DCDC1: variants seen among roughly 807,000 people sequenced by gnomAD.
DCDC1 encodes doublecortin domain containing 1.
DCDC1 carries 200 observed loss-of-function variants against 178.3 expected under a neutral mutation model. The ratio of observed to expected loss-of-function variants is 1.12; its 90% CI spans 1.00 to 1.26. DCDC1 has a LOEUF of 1.26. DCDC1 is among the 50% of genes most tolerant of loss of function. The probability of loss-of-function intolerance (pLI) is 0.00; values close to 1 mark genes in which losing one functional copy is unlikely to be tolerated. For missense variants in DCDC1, 1,983 were observed against 1,749.2 expected (o/e 1.13, Z -2.38); for synonymous variants, 690 against 604.8 (o/e 1.14, Z -2.07).
intron 38 of DCDC1, among the ~76,000 whole-genome samples, chr11:30,867,647 T>C (rs893887748): frequency 1.3e-5 from 2 of 152,138 alleles, no homozygotes; most frequent in Non-Finnish European, 2.9e-5. Context: ...AGACCTTGGC[T>C]ACCACAAAGT....
At chr11:31,260,341 A>C (rs1944698887) in intron 8 of DCDC1, among the ~76,000 whole-genome samples, 1 of 152,232 alleles carries the variant, frequency 6.6e-6, no homozygotes, top group Non-Finnish European at 1.5e-5. Context: ...ATGTCTCCAC[A>C]AAAGTTGATA....
intron 7 of DCDC1, among the ~76,000 whole-genome samples, chr11:31,288,033 T>G (rs1410089984): frequency 6.6e-6 from 1 of 151,818 alleles, no homozygotes; most frequent in African/African-American, 2.4e-5. Context: ...GATATAATTA[T>G]TAACTACTGG....
intron 20 of DCDC1, among the ~76,000 whole-genome samples, chr11:31,008,474 G>A (rs910978154): frequency 1.4e-4 from 22 of 152,176 alleles, no homozygotes; most frequent in African/African-American, 5.3e-4. Context: ...GAGCTCATCT[G>A]AAGCACCTGT....
chr11:31,174,644 G>T (rs1967748906), intron 9 of DCDC1, among the ~76,000 whole-genome samples: 1 of 152,152 alleles, frequency 6.6e-6, no homozygotes, highest in Non-Finnish European at 1.5e-5. Context: ...GCTTTTCCAG[G>T]CTTGCCCATA....
chr11:30,962,233 A>T (rs1298632377), intron 20 of DCDC1, among the ~76,000 whole-genome samples: 1 of 152,058 alleles, frequency 6.6e-6, no homozygotes, highest in African/African-American at 2.4e-5. Flanking sequence ...ATTAAACATT[A>T]TTCTACTTTA....
intron 9 of DCDC1, among the ~76,000 whole-genome samples, chr11:31,188,186 G>T (rs158148): frequency 0.6 from 90,420 of 151,764 alleles, 27,383 homozygotes; most frequent in East Asian, 0.93. Flanking sequence ...ATTTTAAAAC[G>T]AAGCAGAAAT....
At chr11:30,962,033 A>G (rs1186953406) in intron 20 of DCDC1, among the ~76,000 whole-genome samples, 1 of 152,112 alleles carries the variant, frequency 6.6e-6, no homozygotes, top group African/African-American at 2.4e-5. Flanking sequence ...GTATCACTGT[A>G]TGAAATATTT....
chr11:31,186,867 T>C (rs1969562427), intron 9 of DCDC1, among the ~76,000 whole-genome samples: 2 of 152,204 alleles, frequency 1.3e-5, no homozygotes, highest in Non-Finnish European at 2.9e-5. Context: ...CTGTTGCAAA[T>C]CTGTGGCCAG....
Position 30,900,515 on chromosome 11 carries a change from C to A in DCDC1, c.4511-17G>T. 6.6e-7 allele frequency: 1 copy of A among 1,509,806 alleles called. No individual in the cohort carries two copies. The highest frequency in any genetic ancestry group is 8.9e-7 in the Non-Finnish European group (1 of 1,122,302). The allele number at this position is 1,509,806 out of a possible 1,614,324, so 93.5% of individuals were successfully genotyped here. On this transcript the variant is annotated splice_polypyrimidine_tract_variant and intron_variant, in intron 32 of 38. Coordinates refer to ENST00000684477, the MANE Select transcript of DCDC1 (RefSeq NM_001387274.1). ...TTGGATTTTCTGGTGGAAAAAATGA[C>A]ACATTTATCATTGTTCAACGAATAA...
At chr11:31,152,910 A>C (rs1010805416) in intron 9 of DCDC1, among the ~76,000 whole-genome samples, 1 of 152,186 alleles carries the variant, frequency 6.6e-6, no homozygotes, top group African/African-American at 2.4e-5. Flanking sequence ...CATGGGCTTT[A>C]ATGTGTGGGA....
At chr11:31,011,066 G>C (rs1274019271) in intron 20 of DCDC1, among the ~76,000 whole-genome samples, 3 of 152,074 alleles carry the variant, frequency 2.0e-5, no homozygotes, top group Non-Finnish European at 4.4e-5. Context: ...AAAATTTAGT[G>C]AGGTAATAAT....
chr11:30,991,555 G>A (rs571288230), intron 20 of DCDC1, among the ~76,000 whole-genome samples: 1 of 152,164 alleles, frequency 6.6e-6, no homozygotes, highest in South Asian at 2.1e-4. Flanking sequence ...TTTATTTAGG[G>A]CATGCCATGC....
At chr11:30,980,252 T>C (rs996169855) in intron 20 of DCDC1, among the ~76,000 whole-genome samples, 1 of 152,192 alleles carries the variant, frequency 6.6e-6, no homozygotes, top group Non-Finnish European at 1.5e-5. Flanking sequence ...TATGTAGCCA[T>C]GGCAACTTCC....
intron 3 of DCDC1, among the ~76,000 whole-genome samples, chr11:31,327,750 C>A (rs974237250): frequency 2.6e-5 from 4 of 151,766 alleles, no homozygotes; most frequent in Non-Finnish European, 5.9e-5. Flanking sequence ...TTTTTTTAGA[C>A]AGAGTCTCAC....
At chr11:31,221,966 G>A (rs1050203967) in intron 9 of DCDC1, among the ~76,000 whole-genome samples, 1 of 152,098 alleles carries the variant, frequency 6.6e-6, no homozygotes, top group Non-Finnish European at 1.5e-5. Flanking sequence ...TTCATCACTT[G>A]TAAGTTCTAC....
At chr11:31,041,757 A>C (rs1239011406) in intron 20 of DCDC1, among the ~76,000 whole-genome samples, 5 of 152,194 alleles carry the variant, frequency 3.3e-5, no homozygotes, top group African/African-American at 9.7e-5. Context: ...CAAGGGTAGA[A>C]TTTGTACCCT....
At chr11:30,926,475 G>A (rs933920357) in intron 22 of DCDC1, among the ~76,000 whole-genome samples, 1 of 152,188 alleles carries the variant, frequency 6.6e-6, no homozygotes, top group Admixed American at 6.5e-5. Flanking sequence ...GGAGGTGGGA[G>A]AGGCTGGAGC....
In DCDC1 at chr11:31,102,248, TG is replaced by T; in HGVS notation, c.1911del (p.Phe637LeufsTer26). ...TCAGGTATCTGTTGACTGGTACAGT[TG>T]AAATTAATTGGAAATCCCTCACAAA... ...WEVCEGFPIN[F>X]NCTSQQIPDQ... On this transcript the variant is annotated frameshift_variant, in exon 15 of 39. Coordinates refer to ENST00000684477, the MANE Select transcript of DCDC1 (RefSeq NM_001387274.1). LOFTEE classifies it high-confidence loss of function. 1.4e-6 allele frequency: 1 copy of T among 729,440 alleles called. No individual in the cohort carries two copies. The highest frequency in any genetic ancestry group is 2.5e-6 in the Non-Finnish European group (1 of 394,906). 45.2% of individuals were successfully genotyped at this position (729,440 alleles called of 1,614,324 possible). A position where few individuals can be genotyped will look rare whatever the true frequency, so the allele number is the denominator to read the frequency against.
intron 20 of DCDC1, among the ~76,000 whole-genome samples, chr11:30,960,081 G>T (rs192574362): frequency 6.6e-6 from 1 of 152,016 alleles, no homozygotes; most frequent in East Asian, 1.9e-4. Flanking sequence ...CATACTCTCA[G>T]GTAGTATGCC....
Sources: gnomAD v4.1 joint callset for allele counts (sites outside exome capture counted in the v4.1 genomes callset) on GRCh38, gnomAD v4.1.1 for gene constraint, MANE v1.5 for transcripts, NCBI Gene and HGNC (gene_info 2026-07-23, HGNC 2026-07-21) for gene names.